The following MYO1E variants were observed in gnomAD, a reference collection of about 807,000 sequenced individuals.
MYO1E encodes unconventional myosin-Ie.
Under a neutral mutation model 151.1 loss-of-function variants are expected in MYO1E, and 68 were observed. That is an observed-to-expected ratio of 0.45 (90% CI 0.37 to 0.55). MYO1E has a LOEUF of 0.55. Ranked by LOEUF, MYO1E falls within the 20% of genes least tolerant of loss-of-function variation. The pLI, the probability that MYO1E is intolerant of heterozygous loss-of-function variation, is 0.00. For missense variants in MYO1E, 1,363 were observed against 1,389.3 expected, an observed-to-expected ratio of 0.98 and a Z score of 0.30; for synonymous variants, 601 against 501.7, an observed-to-expected ratio of 1.20 and a Z score of -2.64.
intron 26 of MYO1E, among the ~76,000 whole-genome samples, chr15:59,145,243 G>A (rs530558565): frequency 2.6e-5 from 4 of 152,322 alleles, no homozygotes; most frequent in African/African-American, 9.6e-5. Flanking sequence ...TAGTCCAGGA[G>A]GAAGGGATTA....
intron 16 of MYO1E, among the ~76,000 whole-genome samples, chr15:59,200,846 C>T (rs1310045006): frequency 6.6e-6 from 1 of 152,036 alleles, no homozygotes; most frequent in East Asian, 1.9e-4. Context: ...CTCCATTTTA[C>T]AGGGAAGCGG....
intron 4 of MYO1E, among the ~76,000 whole-genome samples, chr15:59,255,992 G>T (rs560603793): frequency 3.0e-4 from 46 of 152,164 alleles, no homozygotes; most frequent in African/African-American, 9.9e-4. Flanking sequence ...ATTATGAAGG[G>T]AATGAAAAAA....
chr15:59,210,325 T>C (rs1236201400), intron 13 of MYO1E, among the ~76,000 whole-genome samples, 189 bp downstream of exon 13: 1 of 151,958 alleles, frequency 6.6e-6, no homozygotes, highest in Non-Finnish European at 1.5e-5. Context: ...TATCCACATG[T>C]TCATATTTAC....
chr15:59,367,357 AT>A (rs35276359), intron 1 of MYO1E, among the ~76,000 whole-genome samples: 23,626 of 152,122 alleles, frequency 0.16, 2,171 homozygotes, highest in East Asian at 0.29. Context: ...CAGACCGCCA[AT>A]TCATGAGATT....
rs1257924961 is a variant in MYO1E, at chr15:59,159,432, G to A, written c.2786-1053C>T. On this transcript the variant is annotated intron_variant, in intron 24 of 27. Coordinates refer to ENST00000288235, the MANE Select transcript of MYO1E (RefSeq NM_004998.4). The surrounding 1 kb of genome is among the most constrained non-coding windows in gnomAD (Gnocchi z 4.4). ...AGCCAGGCCTCTGCCTTCCAGTGGG[G>A]TGAGGCCTATAGGCCAGGCCAACAG... Among the ~76,000 whole-genome samples, 1 of 152,266 alleles carries A rather than the reference G, an allele frequency of 6.6e-6. No homozygotes were observed. Among genetic ancestry groups the A allele is most frequent in the Non-Finnish European group, 1.5e-5 (1 of 68,050 alleles).
rs114376282 is a variant in MYO1E at position 59,255,487 on chromosome 15, C to G, written c.332+797G>C. Among the ~76,000 whole-genome samples the G allele has an allele frequency of 4.0e-3, 609 of 152,166 alleles. 7 individuals carry two copies. Among genetic ancestry groups the G allele is most frequent in the African/African-American group, 0.014 (570 of 41,490 alleles). On this transcript the variant is annotated intron_variant, in intron 4 of 27. Coordinates refer to ENST00000288235, the MANE Select transcript of MYO1E (RefSeq NM_004998.4). ...TCAGCTCACTGCAACCTCCTCATCC[C>G]AGGCTCAAGCGATTCTCCCACCTCA...
At chr15:59,178,817 C>T (rs1195681332) in intron 18 of MYO1E, among the ~76,000 whole-genome samples, 2 of 152,208 alleles carry the variant, frequency 1.3e-5, no homozygotes, top group African/African-American at 4.8e-5. Context: ...CTACCACTGT[C>T]TGAAAATAGC....
intron 1 of MYO1E, among the ~76,000 whole-genome samples, chr15:59,279,612 C>T (rs539087954): frequency 6.6e-5 from 10 of 152,164 alleles, no homozygotes; most frequent in Admixed American, 6.5e-5. Context: ...TACACTCCCC[C>T]CTGGGCCACT....
chr15:59,350,419 T>C lies in MYO1E; in HGVS notation c.3+22079A>G, dbSNP rs886355483. ...GAACTGAGCAGGAGAAGGAAAAGAA[T>C]GTAGATGAAATTGAAAAGGATAAAG... On this transcript the variant is annotated intron_variant, in intron 1 of 27. Coordinates refer to ENST00000288235, the MANE Select transcript of MYO1E (RefSeq NM_004998.4). This position sits in a 1 kb window ranked among gnomAD's most constrained non-coding sequence, Gnocchi z 5.0. Among the ~76,000 whole-genome samples, 1 of 152,178 alleles carries C rather than the reference T, an allele frequency of 6.6e-6. No homozygotes were observed. The highest frequency in any genetic ancestry group is 2.4e-5 in the African/African-American group (1 of 41,442).
intron 1 of MYO1E, among the ~76,000 whole-genome samples, chr15:59,337,507 TAAAAG>T (rs2080736528): frequency 6.6e-6 from 1 of 152,196 alleles, no homozygotes; most frequent in Non-Finnish European, 1.5e-5. Context: ...TTATGAAACT[TAAAAG>T]AACATTCAGA....
chr15:59,342,601 C>G (rs1040795231), intron 1 of MYO1E, among the ~76,000 whole-genome samples: 1 of 152,146 alleles, frequency 6.6e-6, no homozygotes, highest in African/African-American at 2.4e-5. Context: ...AGAGTTTAGT[C>G]TATTTACATT....
chr15:59,295,271 T>C (rs943767629), intron 1 of MYO1E, among the ~76,000 whole-genome samples: 32 of 152,086 alleles, frequency 2.1e-4, no homozygotes, highest in African/African-American at 7.2e-4. Flanking sequence ...AAGGCATTCC[T>C]GAGAGGGAAA....
At chr15:59,340,138 G>A (rs750017131) in intron 1 of MYO1E, among the ~76,000 whole-genome samples, 1 of 152,160 alleles carries the variant, frequency 6.6e-6, no homozygotes. Context: ...TTACAGGCAT[G>A]AGCCACTGCA....
At position 59,372,384 on chromosome 15, in the gene MYO1E, G is replaced by A. The variant is rs1280046578; in HGVS notation, c.3+114C>T. The A allele has an allele frequency of 2.2e-5, 29 of 1,312,064 alleles. No homozygotes were observed. The East Asian group carries it at 5.9e-4, about 27-fold the overall frequency. The allele number at this position is 1,312,064 out of a possible 1,614,324, so 81.3% of individuals were successfully genotyped here. On this transcript the variant is annotated intron_variant, in intron 1 of 27. Coordinates refer to ENST00000288235, the MANE Select transcript of MYO1E (RefSeq NM_004998.4). ...GAGCTCGCGACGTGCCGGCTCCCGC[G>A]TCCACCTTCTCCACCCCTGGCCCCG...
At chr15:59,201,401 A>AT (rs35807865) in intron 16 of MYO1E, among the ~76,000 whole-genome samples, 10,797 of 113,122 alleles carry the variant, frequency 0.095, 782 homozygotes, top group African/African-American at 0.2. Flanking sequence ...GCTGACACAG[A>AT]TTTTTTTTTT....
At chr15:59,285,980 C>T (rs1298704560) in intron 1 of MYO1E, among the ~76,000 whole-genome samples, 1 of 152,206 alleles carries the variant, frequency 6.6e-6, no homozygotes, top group African/African-American at 2.4e-5. Context: ...AATTCAATTA[C>T]ACAGCCAAGG....
intron 16 of MYO1E, among the ~76,000 whole-genome samples, chr15:59,198,944 A>G (rs1039081803): frequency 6.6e-6 from 1 of 152,154 alleles, no homozygotes; most frequent in African/African-American, 2.4e-5. Context: ...AGCTATAGCC[A>G]GTCTGCCTTT....
chr15:59,174,353 C>A (rs1221669344), intron 19 of MYO1E, 113 bp from the exon 20 acceptor site: 3 of 776,098 alleles, frequency 3.9e-6, no homozygotes, highest in Non-Finnish European at 6.9e-6. Flanking sequence ...ACACGGGAAG[C>A]AGCTTCTCTG....
chr15:59,139,911 A>C (rs1436640205), intron 26 of MYO1E, among the ~76,000 whole-genome samples: 3 of 151,234 alleles, frequency 2.0e-5, no homozygotes, highest in Non-Finnish European at 4.4e-5. Context: ...ATCAGTTATT[A>C]CTCCTCAGGT....
Sources: allele counts gnomAD v4.1 joint callset (sites outside exome capture counted in the v4.1 genomes callset), GRCh38; gene constraint gnomAD v4.1.1; non-coding constraint Gnocchi (gnomAD v3.1); transcripts MANE v1.5; gene names NCBI Gene and HGNC (gene_info 2026-07-23, HGNC 2026-07-21).